RBFOX1: variants seen among roughly 807,000 people sequenced by gnomAD.
RBFOX1 encodes RNA binding protein fox-1 homolog 1.
A neutral mutation model predicts 57.7 loss-of-function variants in RBFOX1; 8 were observed. The ratio of observed to expected loss-of-function variants is 0.14; its 90% confidence interval spans 0.08 to 0.25. The LOEUF is 0.25. RBFOX1 is among the 10% of genes least tolerant of loss of function. The pLI, the probability that RBFOX1 is intolerant of heterozygous loss-of-function variation, is 1.00. For synonymous variants in RBFOX1, 326 were observed against 222.4 expected, an observed-to-expected ratio of 1.47 and a Z score of -4.15; for missense variants, 611 against 548.5, an observed-to-expected ratio of 1.11 and a Z score of -1.14.
At chr16:7,635,169 A>G (rs1393794424) in intron 11 of RBFOX1, among the ~76,000 whole-genome samples, 1 of 152,312 alleles carries the variant, frequency 6.6e-6, no homozygotes, top group Middle Eastern at 3.4e-3. Flanking sequence ...AACATACCAC[A>G]TCTCTTCCAA....
intron 3 of RBFOX1, among the ~76,000 whole-genome samples, chr16:6,794,200 C>T (rs375135704): frequency 1.3e-4 from 20 of 151,678 alleles, no homozygotes; most frequent in Non-Finnish European, 7.4e-5. Context: ...TGCGGGATTA[C>T]TGGGAGAAGG....
intron 3 of RBFOX1, among the ~76,000 whole-genome samples, chr16:5,666,437 A>C (rs1295482795): frequency 1.3e-5 from 2 of 152,180 alleles, no homozygotes. Context: ...AATTCCATTG[A>C]ATTCACTTTG....
intron 3 of RBFOX1, among the ~76,000 whole-genome samples, chr16:6,695,583 A>G (rs2345615): frequency 6.5e-5 from 3 of 46,040 alleles, no homozygotes; most frequent in Admixed American, 6.9e-4. Flanking sequence ...TGAGATATAG[A>G]ATGATGAGCA....
chr16:7,169,648 A>T (rs2080282477), intron 4 of RBFOX1, among the ~76,000 whole-genome samples: 1 of 152,242 alleles, frequency 6.6e-6, no homozygotes, highest in African/African-American at 2.4e-5. Flanking sequence ...ATTCAGAGTG[A>T]ATGACAGAAC....
chr16:5,254,430 T>C (rs963930719), intron 1 of RBFOX1, among the ~76,000 whole-genome samples: 1 of 152,186 alleles, frequency 6.6e-6, no homozygotes, highest in African/African-American at 2.4e-5. Context: ...TTTTTCTGAC[T>C]CGCCTTTAGT....
chr16:7,253,405 G>C (rs902763063), intron 4 of RBFOX1, among the ~76,000 whole-genome samples: 1 of 152,142 alleles, frequency 6.6e-6, no homozygotes, highest in African/African-American at 2.4e-5. Flanking sequence ...TCTCCGGCTT[G>C]ACAACCCCTC....
intron 2 of RBFOX1, among the ~76,000 whole-genome samples, chr16:6,319,383 A>G (rs2081491934): frequency 6.6e-6 from 1 of 152,122 alleles, no homozygotes; most frequent in African/African-American, 2.4e-5. Context: ...ATTACCCCTC[A>G]TGATATCCAC....
intron 1 of RBFOX1, among the ~76,000 whole-genome samples, chr16:6,073,762 G>A (rs2095863221): frequency 6.6e-6 from 1 of 151,930 alleles, no homozygotes; most frequent in East Asian, 1.9e-4. Context: ...TTGCTGGAAT[G>A]TTTTGAAGCA....
intron 1 of RBFOX1, among the ~76,000 whole-genome samples, chr16:6,231,239 G>GGTATGT (rs113555714): frequency 0.2 from 30,429 of 149,236 alleles, 3,619 homozygotes; most frequent in East Asian, 0.45. Flanking sequence ...TGTGTGTGTA[G>GGTATGT]GTGTGTGTGT....
intron 3 of RBFOX1, among the ~76,000 whole-genome samples, chr16:5,629,808 A>T (rs1450302198): frequency 2.6e-5 from 4 of 152,188 alleles, no homozygotes; most frequent in Admixed American, 2.6e-4. Context: ...AATGGCTAAG[A>T]GGGTAGGTTT....
intron 4 of RBFOX1, among the ~76,000 whole-genome samples, chr16:7,480,017 C>T (rs2191388): frequency 0.18 from 26,694 of 152,120 alleles, 3,109 homozygotes; most frequent in East Asian, 0.41. Context: ...GCCTGATGTT[C>T]CCCACCGATG....
intron 1 of RBFOX1, among the ~76,000 whole-genome samples, chr16:6,245,424 T>TATTC (rs1397144479): frequency 6.6e-6 from 1 of 152,196 alleles, no homozygotes; most frequent in Non-Finnish European, 1.5e-5. Flanking sequence ...TTCATTTATC[T>TATTC]ATTCATTCAC....
intron 3 of RBFOX1, among the ~76,000 whole-genome samples, chr16:5,646,561 T>C (rs1200114828): frequency 6.6e-6 from 1 of 152,086 alleles, no homozygotes; most frequent in Admixed American, 6.5e-5. Context: ...ACACCTGCTA[T>C]GTCAGAGGGT....
intron 4 of RBFOX1, among the ~76,000 whole-genome samples, chr16:5,880,296 A>G (rs2057730406): frequency 6.6e-6 from 1 of 152,158 alleles, no homozygotes; most frequent in Non-Finnish European, 1.5e-5. Context: ...CAGTACCTCC[A>G]CTGGTTTTTT....
intron 3 of RBFOX1, among the ~76,000 whole-genome samples, chr16:5,862,586 G>A (rs2057248940): frequency 2.0e-5 from 3 of 152,298 alleles, no homozygotes; most frequent in Admixed American, 6.5e-5. Flanking sequence ...GCAGAGCTGT[G>A]CAGGGAGCGC....
Position 7,024,852 on chromosome 16 carries a change from C to T in RBFOX1, c.-15-27205C>T, listed in dbSNP as rs147426871. ...GGTTCTCACACGGGGCTGGGTGTCACGTGGCTCACAGAAAACTACAGATGG... is the reference window on the plus strand; with the variant it reads ...GGTTCTCACACGGGGCTGGGTGTCATGTGGCTCACAGAAAACTACAGATGG... On this transcript the variant is annotated intron_variant, in intron 3 of 15. Coordinates refer to ENST00000550418, the MANE Select transcript of RBFOX1 (RefSeq NM_018723.4). Among the ~76,000 whole-genome samples, 8 of 152,254 alleles carry T rather than the reference C, an allele frequency of 5.3e-5. No homozygotes were observed. In the East Asian group the frequency reaches 7.8e-4, roughly 15 times the overall value.
At chr16:7,515,907 C>T (rs1234821176) in intron 4 of RBFOX1, among the ~76,000 whole-genome samples, 1 of 152,112 alleles carries the variant, frequency 6.6e-6, no homozygotes, top group Non-Finnish European at 1.5e-5. Flanking sequence ...TGCAGTGGTG[C>T]ACTCTCAGCT....
At chr16:6,649,110 C>G (rs146766709) in intron 2 of RBFOX1, among the ~76,000 whole-genome samples, 1 of 152,310 alleles carries the variant, frequency 6.6e-6, no homozygotes, top group African/African-American at 2.4e-5. Context: ...AGCAAACCCC[C>G]TGGTAGTGAG....
chr16:5,905,262 A>G (rs13339284), intron 4 of RBFOX1, among the ~76,000 whole-genome samples: 91,927 of 151,078 alleles, frequency 0.61, 28,165 homozygotes, highest in Middle Eastern at 0.76. Flanking sequence ...GAGACGGCCC[A>G]GGCTGGTCTA....
Sources: allele counts gnomAD v4.1 joint callset (sites outside exome capture counted in the v4.1 genomes callset), GRCh38; gene constraint gnomAD v4.1.1; transcripts MANE v1.5; gene names NCBI Gene and HGNC (gene_info 2026-07-23, HGNC 2026-07-21).